Variants in RASGRF2 observed in about 807,000 individuals in gnomAD.
RASGRF2 encodes ras-specific guanine nucleotide-releasing factor 2.
Under a neutral mutation model 151.0 loss-of-function variants are expected in RASGRF2, and 76 were observed. The ratio of observed to expected loss-of-function variants is 0.50; its 90% confidence interval spans 0.42 to 0.61. RASGRF2 has a LOEUF of 0.61. RASGRF2 is among the 20% of genes least tolerant of loss of function. The pLI is 0.00. For synonymous variants in RASGRF2, 504 were observed against 566.5 expected (o/e 0.89, Z 1.57); for missense variants, 1,148 against 1,564.6 (o/e 0.73, Z 4.49).
At chr5:81,111,586 T>C (rs1304219900) in intron 13 of RASGRF2, among the ~76,000 whole-genome samples, 1 of 152,016 alleles carries the variant, frequency 6.6e-6, no homozygotes, top group Non-Finnish European at 1.5e-5. Flanking sequence ...ATTCAGAAGA[T>C]AGATATCCTT....
chr5:81,006,428 C>G (rs145566521), intron 1 of RASGRF2, among the ~76,000 whole-genome samples: 24 of 152,284 alleles, frequency 1.6e-4, no homozygotes, highest in Non-Finnish European at 2.8e-4. Context: ...TTTGAAAGTG[C>G]AAAGGTGTTT....
At chr5:81,178,832 G>A (rs1259536251) in intron 17 of RASGRF2, among the ~76,000 whole-genome samples, 7 of 151,990 alleles carry the variant, frequency 4.6e-5, no homozygotes, top group Admixed American at 1.3e-4. Flanking sequence ...TCCGCCCCCC[G>A]GGTTCACGCC....
At chr5:81,216,005 C>T (rs1755726680) in intron 24 of RASGRF2, 50 bp downstream of exon 24, 4 of 1,417,174 alleles carry the variant, frequency 2.8e-6, no homozygotes, top group South Asian at 3.3e-5. Flanking sequence ...AATATATTTA[C>T]ATAATGTATA....
intron 1 of RASGRF2, among the ~76,000 whole-genome samples, chr5:80,985,223 C>T (rs753356785): frequency 6.6e-6 from 1 of 152,052 alleles, no homozygotes; most frequent in African/African-American, 2.4e-5. Context: ...AAAACAATAA[C>T]AACAACAAAA....
intron 2 of RASGRF2, among the ~76,000 whole-genome samples, chr5:81,063,328 C>A (rs1266462903): frequency 3.3e-5 from 5 of 152,014 alleles, no homozygotes; most frequent in Admixed American, 3.3e-4. Context: ...CTCACTGCAA[C>A]CTCTGCCTCC....
intron 18 of RASGRF2, among the ~76,000 whole-genome samples, chr5:81,180,685 C>T (rs1030468224): frequency 1.5e-5 from 2 of 131,138 alleles, no homozygotes; most frequent in African/African-American, 2.8e-5. Flanking sequence ...GCCCCCCACC[C>T]AGCTAGACAC....
intron 3 of RASGRF2, among the ~76,000 whole-genome samples, chr5:81,069,831 C>T (rs573742213): frequency 1.2e-4 from 19 of 152,276 alleles, no homozygotes; most frequent in East Asian, 7.7e-4. Context: ...TGTTGAGTGC[C>T]GGTCTAGAGA....
chr5:81,142,435 A>G (rs1437770873), intron 17 of RASGRF2, among the ~76,000 whole-genome samples: 1 of 152,190 alleles, frequency 6.6e-6, no homozygotes, highest in Non-Finnish European at 1.5e-5. Context: ...TAGTCAGAGG[A>G]TGATGGGAAG....
chr5:81,160,594 C>T (rs1370081402), intron 17 of RASGRF2, among the ~76,000 whole-genome samples: 1 of 151,604 alleles, frequency 6.6e-6, no homozygotes, highest in African/African-American at 2.4e-5. Context: ...ATCGCTTGAA[C>T]CTGGGAGGCG....
intron 1 of RASGRF2, among the ~76,000 whole-genome samples, chr5:81,029,430 G>T (rs1326656450): frequency 6.6e-6 from 1 of 152,200 alleles, no homozygotes; most frequent in Non-Finnish European, 1.5e-5. Context: ...ATATGGCCGG[G>T]TGCCCCTCTG....
intron 3 of RASGRF2, among the ~76,000 whole-genome samples, chr5:81,069,800 C>G (rs1751718702): frequency 6.6e-6 from 1 of 152,166 alleles, no homozygotes; most frequent in Non-Finnish European, 1.5e-5. Flanking sequence ...TGTATAGGTT[C>G]TTAAGCTTGT....
chr5:81,168,952 T>C (rs1754579735), intron 17 of RASGRF2, among the ~76,000 whole-genome samples: 3 of 152,228 alleles, frequency 2.0e-5, no homozygotes, highest in Admixed American at 2.0e-4. Flanking sequence ...CCTCCTTCTT[T>C]TGGTCTGCTT....
intron 17 of RASGRF2, among the ~76,000 whole-genome samples, chr5:81,171,818 T>C (rs1343459127): frequency 1.3e-5 from 2 of 152,220 alleles, no homozygotes; most frequent in African/African-American, 4.8e-5. Context: ...GTCTTTAAAC[T>C]GGCTCACCCT....
chr5:80,996,294 A>G (rs1748857145), intron 1 of RASGRF2, among the ~76,000 whole-genome samples: 1 of 151,894 alleles, frequency 6.6e-6, no homozygotes, highest in Admixed American at 6.6e-5. Flanking sequence ...TGACCAGTTA[A>G]GTTATTTTGC....
chr5:81,031,554 G>T (rs900319326), intron 1 of RASGRF2, among the ~76,000 whole-genome samples: 9 of 152,106 alleles, frequency 5.9e-5, no homozygotes, highest in Admixed American at 5.9e-4. Flanking sequence ...TGACTACTGG[G>T]TACATAACGA....
At chr5:81,006,246 G>T (rs1165676069) in intron 1 of RASGRF2, among the ~76,000 whole-genome samples, 1 of 152,074 alleles carries the variant, frequency 6.6e-6, no homozygotes, top group Non-Finnish European at 1.5e-5. Flanking sequence ...AGGTTGTTTA[G>T]TTGTTTATTG....
chr5:81,223,982 T>C (rs1176983198), intron 26 of RASGRF2, among the ~76,000 whole-genome samples: 2 of 152,200 alleles, frequency 1.3e-5, no homozygotes, highest in South Asian at 2.1e-4. Flanking sequence ...CCAAGCTTGA[T>C]AAAGTTAATG....
chr5:81,010,264 G>A (rs1749414332), intron 1 of RASGRF2, among the ~76,000 whole-genome samples: 1 of 151,908 alleles, frequency 6.6e-6, no homozygotes, highest in Non-Finnish European at 1.5e-5. Flanking sequence ...CTCTAATTTT[G>A]CCTCTCTGTA....
At chr5:81,015,087 G>A (rs1259894864) in intron 1 of RASGRF2, among the ~76,000 whole-genome samples, 1 of 151,958 alleles carries the variant, frequency 6.6e-6, no homozygotes, top group African/African-American at 2.4e-5. Context: ...CTTAGCCTGG[G>A]GATCTTTTAA....
Sources: gnomAD v4.1 joint callset for allele counts (sites outside exome capture counted in the v4.1 genomes callset) on GRCh38, gnomAD v4.1.1 for gene constraint, MANE v1.5 for transcripts, NCBI Gene and HGNC (gene_info 2026-07-23, HGNC 2026-07-21) for gene names.